The following ZMIZ1 variants were observed in gnomAD, a reference collection of about 807,000 sequenced individuals.
ZMIZ1 encodes zinc finger MIZ domain-containing protein 1.
ZMIZ1 carries 17 observed loss-of-function variants against 113.9 expected under a neutral mutation model. The observed-to-expected ratio is 0.15, with a 90% CI of 0.10 to 0.22. ZMIZ1 has a LOEUF of 0.22. Among genes scored for constraint, ZMIZ1 ranks in the 10% least tolerant of loss-of-function variants. The pLI, the probability that ZMIZ1 is intolerant of heterozygous loss-of-function variation, is 1.00. For synonymous variants in ZMIZ1, 607 were observed against 603.1 expected (o/e 1.01, Z -0.09); for missense variants, 1,059 against 1,477.8 (o/e 0.72, Z 4.65).
At chr10:79,230,785 G>C (rs953336301) in intron 7 of ZMIZ1, among the ~76,000 whole-genome samples, 1 of 152,224 alleles carries the variant, frequency 6.6e-6, no homozygotes, top group African/African-American at 2.4e-5. Flanking sequence ...GTGGCCCAGT[G>C]GTCTCCAGGG....
chr10:79,087,662 G>A (rs1564642610), intron 1 of ZMIZ1, among the ~76,000 whole-genome samples: 4 of 152,210 alleles, frequency 2.6e-5, no homozygotes, highest in Admixed American at 2.6e-4. Flanking sequence ...AAACTCCTTC[G>A]TGCCTCTCTA....
intron 5 of ZMIZ1, among the ~76,000 whole-genome samples, chr10:79,202,850 T>A (rs937236617): frequency 6.6e-6 from 1 of 152,226 alleles, no homozygotes; most frequent in African/African-American, 2.4e-5. Flanking sequence ...GTCAGACGCC[T>A]TGGACCCAAG....
chr10:79,093,129 A>T (rs1046862301), intron 1 of ZMIZ1, among the ~76,000 whole-genome samples: 3 of 85,636 alleles, frequency 3.5e-5, no homozygotes, highest in Non-Finnish European at 6.8e-5. Flanking sequence ...CACCCCCCCC[A>T]CCCCCAACAC....
In ZMIZ1 at chr10:79,306,097, C is replaced by T. The variant is rs1241752333; in HGVS notation, c.2424-3C>T. ...CTCAGCTCTGCCACCCTTCCTCCCC[C>T]AGCTCCGAGTTTGAAGAGGTCACCA... On this transcript the variant is annotated splice_region_variant and splice_polypyrimidine_tract_variant and intron_variant, in intron 21 of 24. Transcript: ENST00000334512. 3 of 1,610,034 alleles carry T rather than the reference C, an allele frequency of 1.9e-6. No individual in the cohort carries two copies. Among genetic ancestry groups the T allele is most frequent in the Admixed American group, 1.7e-5 (1 of 59,970 alleles).
intron 2 of ZMIZ1, among the ~76,000 whole-genome samples, chr10:79,128,322 C>T (rs1022415527): frequency 5.9e-5 from 9 of 152,208 alleles, no homozygotes; most frequent in African/African-American, 9.6e-5. Flanking sequence ...CAGACATATG[C>T]GGTGTGGCCC....
rs1855527809 is a variant in ZMIZ1 at position 79,316,257 on chromosome 10, T to C, written c.*3508T>C. ...TACATCGTATGTACAATGCAATCAT[T>C]TCATACTTTAAACTGGTCAAAAAAC... On this transcript the variant is annotated 3_prime_UTR_variant, in exon 25 of 25. Transcript: ENST00000334512. 6.6e-6 allele frequency: 1 copy of C among 152,562 alleles called. No individual in the cohort carries two copies. The highest frequency in any genetic ancestry group is 1.5e-5 in the Non-Finnish European group (1 of 68,048). The allele number at this position is 152,562 out of a possible 1,614,324, so 9.5% of individuals were successfully genotyped here. A position where few individuals can be genotyped will look rare whatever the true frequency, so the allele number is the denominator to read the frequency against.
At chr10:79,188,590 C>G (rs1847450936) in intron 4 of ZMIZ1, among the ~76,000 whole-genome samples, 2 of 152,284 alleles carry the variant, frequency 1.3e-5, no homozygotes, top group African/African-American at 4.8e-5. Context: ...GGCCAGAGCC[C>G]AGCTTGGAGC....
intron 3 of ZMIZ1, among the ~76,000 whole-genome samples, chr10:79,160,469 C>T (rs758947734): frequency 1.3e-5 from 2 of 152,236 alleles, no homozygotes; most frequent in Non-Finnish European, 2.9e-5. Context: ...GCATGCAGTG[C>T]ATTACACAGT....
intron 7 of ZMIZ1, among the ~76,000 whole-genome samples, chr10:79,254,996 C>T (rs1252157853): frequency 2.6e-5 from 4 of 152,222 alleles, no homozygotes; most frequent in Admixed American, 6.5e-5. Flanking sequence ...ACTCGCACCC[C>T]GCAGGGCTGT....
intron 1 of ZMIZ1, among the ~76,000 whole-genome samples, chr10:79,076,900 C>T (rs374118639): frequency 1.3e-5 from 2 of 152,096 alleles, no homozygotes; most frequent in South Asian, 4.2e-4. Context: ...TCTCATCTGC[C>T]GGGACCTGTT....
At chr10:79,310,825 G>A (rs755420757) in intron 23 of ZMIZ1, 99 bp from the exon 24 acceptor site, 64 of 1,390,112 alleles carry the variant, frequency 4.6e-5, no homozygotes, top group Non-Finnish European at 5.8e-5. Context: ...TTCGGGGGTT[G>A]TGACTTCCCT....
chr10:79,146,562 T>A (rs1845491771), intron 3 of ZMIZ1, among the ~76,000 whole-genome samples: 1 of 152,226 alleles, frequency 6.6e-6, no homozygotes, highest in Non-Finnish European at 1.5e-5. Context: ...TTGGCTCCCC[T>A]CCTGTGTGGC....
At chr10:79,292,452 A>C in intron 11 of ZMIZ1, 96 bp downstream of exon 11, 4 of 1,498,296 alleles carry the variant, frequency 2.7e-6, no homozygotes, top group Non-Finnish European at 3.6e-6. Flanking sequence ...TTATGGGGCC[A>C]TGTGTGCTGG....
chr10:79,282,369 G>A (rs909039843), intron 8 of ZMIZ1, among the ~76,000 whole-genome samples: 3 of 152,202 alleles, frequency 2.0e-5, no homozygotes, highest in Non-Finnish European at 4.4e-5. Context: ...ATGCCCGCAG[G>A]TATCTGGCTG....
intron 7 of ZMIZ1, among the ~76,000 whole-genome samples, chr10:79,246,761 G>A (rs1850226839): frequency 6.6e-6 from 1 of 152,198 alleles, no homozygotes. Flanking sequence ...CCTGCAAAGG[G>A]AAAAACAAGG....
chr10:79,158,499 G>A (rs147221743), intron 3 of ZMIZ1, among the ~76,000 whole-genome samples: 3 of 152,332 alleles, frequency 2.0e-5, no homozygotes, highest in Admixed American at 6.5e-5. Context: ...TGAGGCCAGG[G>A]CCAGGGCTTC....
At chr10:79,312,517 C>CTTTTTT in intron 24 of ZMIZ1, 125 bp from the exon 25 acceptor site, 1 of 1,000,552 alleles carries the variant, frequency 1.0e-6, no homozygotes, top group African/African-American at 1.6e-5. Context: ...TTCTCTACCC[C>CTTTTTT]TTTTTTTGGC....
At chr10:79,217,488 C>T (rs191072744) in intron 7 of ZMIZ1, among the ~76,000 whole-genome samples, 1 of 152,268 alleles carries the variant, frequency 6.6e-6, no homozygotes, top group Non-Finnish European at 1.5e-5. Flanking sequence ...TGTTAACATT[C>T]CTTATGGAGT....
intron 1 of ZMIZ1, among the ~76,000 whole-genome samples, chr10:79,094,535 A>G (rs1444448032): frequency 6.6e-6 from 1 of 152,214 alleles, no homozygotes; most frequent in Non-Finnish European, 1.5e-5. Flanking sequence ...TTTGAGAATG[A>G]AGTGAGATGA....
Sources: gnomAD v4.1 joint callset for allele counts (sites outside exome capture counted in the v4.1 genomes callset) on GRCh38, gnomAD v4.1.1 for gene constraint, MANE v1.5 for transcripts, NCBI Gene and HGNC (gene_info 2026-07-23, HGNC 2026-07-21) for gene names.